Variants in SPEN observed in about 807,000 individuals in gnomAD.
SPEN encodes the protein spen family transcriptional repressor, also known as msx2-interacting protein.
SPEN carries 18 observed loss-of-function variants against 269.9 expected under a neutral mutation model. The ratio of observed to expected loss-of-function variants is 0.07; its 90% CI spans 0.05 to 0.10. SPEN has a LOEUF of 0.10. SPEN is among the 10% of genes least tolerant of loss of function. SPEN has a pLI of 1.00. For synonymous variants in SPEN, 1,726 were observed against 1,765.7 expected, an observed-to-expected ratio of 0.98 and a Z score of 0.56; for missense variants, 3,822 against 4,631.2, an observed-to-expected ratio of 0.83 and a Z score of 5.07.
rs201094580 is a variant in SPEN at position 15,848,192 on chromosome 1, G to A, written c.83+42G>A. On this transcript the variant is annotated intron_variant, in intron 1 of 14. Transcript: ENST00000375759. The surrounding 1 kb of genome is among the most constrained non-coding windows in gnomAD (Gnocchi z 5.1). ...CCGCGGCCGCGCTCGCTCCTCGGGC[G>A]CCGCTTCCCGCCCCGGCCCGTTGCC... 69 of 1,358,992 alleles carry A rather than the reference G, an allele frequency of 5.1e-5. 1 individual carries two copies. The East Asian group carries it at 8.0e-4, about 16-fold the overall frequency. 84.2% of individuals were successfully genotyped at this position (1,358,992 alleles called of 1,614,324 possible).
intron 1 of SPEN, among the ~76,000 whole-genome samples, chr1:15,867,837 A>G (rs1311473533): frequency 6.6e-6 from 1 of 150,710 alleles, no homozygotes; most frequent in Non-Finnish European, 1.5e-5. Context: ...TTGGCCATTT[A>G]TGTATCTCTC....
chr1:15,864,867 G>A (rs551605464), intron 1 of SPEN, among the ~76,000 whole-genome samples: 1 of 151,542 alleles, frequency 6.6e-6, no homozygotes, highest in African/African-American at 2.4e-5. Flanking sequence ...AGTAGAGAAG[G>A]GGGTAGGGTG....
chr1:15,929,927 G>A lies in SPEN; in HGVS notation c.3687G>A (p.Arg1229=). Residue 1229 remains arginine, a synonymous_variant, in exon 11 of 15, where the codon AGG becomes AGA. Coordinates refer to ENST00000375759, the MANE Select transcript of SPEN (RefSeq NM_015001.3). This position sits in a 1 kb window ranked among gnomAD's most constrained non-coding sequence, Gnocchi z 5.8. ...ACTCTCCTCCTAGCAAAAAGAAAAG[G>A]ATGGATCATGTCGATTTTGATATCT... ...TDDSPPSKKK[R]MDHVDFDICT... 1.2e-6 allele frequency: 2 copies of A among 1,614,152 alleles called. No individual in the cohort carries two copies. Among genetic ancestry groups the A allele is most frequent in the Non-Finnish European group, 1.7e-6 (2 of 1,180,050 alleles).
chr1:15,850,490 A>G (rs1476536381), intron 1 of SPEN, among the ~76,000 whole-genome samples: 1 of 152,068 alleles, frequency 6.6e-6, no homozygotes, highest in African/African-American at 2.4e-5. Context: ...AGGTATACAG[A>G]GAAAAATCTC....
Position 15,939,313 on chromosome 1 carries a change from G to T in SPEN, c.10881G>T (p.Gln3627His). 1.9e-6 allele frequency: 3 copies of T among 1,594,838 alleles called. No individual in the cohort carries two copies. Among genetic ancestry groups the T allele is most frequent in the Non-Finnish European group, 2.6e-6 (3 of 1,170,126 alleles). Reference sequence around the variant, plus strand: ...GTCTCCAGCCTGCCTACGTGCTGCAGATCTTCCCGCCCTGTGAGTTCTCTG... The same window carrying T: ...GTCTCCAGCCTGCCTACGTGCTGCATATCTTCCCGCCCTGTGAGTTCTCTG... ...PGSNQPAYVL[Q>H]IFPPCEFSES... Residue 3627 changes from glutamine (Q) to histidine (H), a missense_variant, in exon 15 of 15, where the codon CAG becomes CAT. Coordinates refer to ENST00000375759, the MANE Select transcript of SPEN (RefSeq NM_015001.3). The surrounding 1 kb of genome is among the most constrained non-coding windows in gnomAD (Gnocchi z 4.1).
rs764599283 is a variant in SPEN, at chr1:15,933,307, T to A, written c.7067T>A (p.Val2356Asp). 1 of 1,614,054 alleles carries A rather than the reference T, an allele frequency of 6.2e-7. No individual in the cohort carries two copies. Among genetic ancestry groups the A allele is most frequent in the Admixed American group, 1.7e-5 (1 of 60,016 alleles). Residue 2356 changes from valine (V) to aspartate (D), a missense_variant, in exon 11 of 15, where the codon GTC becomes GAC. Val to Asp is a radical substitution (Grantham distance 152). This residue lies in a region of SPEN where 727 missense variants were observed against 737.9 expected (regional missense o/e 0.99). Coordinates refer to ENST00000375759, the MANE Select transcript of SPEN (RefSeq NM_015001.3). This position sits in a 1 kb window ranked among gnomAD's most constrained non-coding sequence, Gnocchi z 5.7. The part of the protein sequence containing the change: ...KKVVAPVESH[V>D]PESNQAQGES... ...GTGGTGGCTCCTGTAGAGAGCCATGTCCCTGAATCCAACCAAGCTCAAGGT... is the reference window on the plus strand; with the variant it reads ...GTGGTGGCTCCTGTAGAGAGCCATGACCCTGAATCCAACCAAGCTCAAGGT...
At position 15,916,241 on chromosome 1, in the gene SPEN, G is replaced by A. The variant is rs2071066041; in HGVS notation, c.1357G>A (p.Asp453Asn). 2 of 1,613,470 alleles carry A rather than the reference G, an allele frequency of 1.2e-6. No homozygotes were observed. Among genetic ancestry groups the A allele is most frequent in the Non-Finnish European group, 1.7e-6 (2 of 1,179,876 alleles). ...GNLEKTTTYHDLRNIFQRFGE... is the reference protein window; with the variant it reads ...GNLEKTTTYHNLRNIFQRFGE... ...CCTTGAAAAAACCACTACTTACCAT[G>A]ACCTTCGCAACATCTTCCAGCGCTT... is the stretch of plus-strand genomic sequence containing the variant. The change falls in exon 6 of 15, where the codon GAC becomes AAC. Residue 453 changes from aspartate (D) to asparagine (N), a missense_variant. Transcript: ENST00000375759.
In SPEN at chr1:15,940,089, G is replaced by GTA. The variant is rs1038318502; in HGVS notation, c.*669_*670dup. 5.6e-5 allele frequency: 12 copies of GTA among 214,030 alleles called. No homozygotes were observed. The highest frequency in any genetic ancestry group is 2.7e-4 in the African/African-American group (12 of 43,890). The allele number at this position is 214,030 out of a possible 1,614,324, so 13.3% of individuals were successfully genotyped here. A position where few individuals can be genotyped will look rare whatever the true frequency, so the allele number is the denominator to read the frequency against. On this transcript the variant is annotated 3_prime_UTR_variant, in exon 15 of 15. Transcript: ENST00000375759. Reference sequence around the variant, plus strand: ...GGGATATGCAGAACTTGGGATGTGTGTATATATAAATATATAATATATATA... The same window carrying GTA: ...GGGATATGCAGAACTTGGGATGTGTGTATATATATAAATATATAATATATATA...
chr1:15,879,355 C>T (rs537093226), intron 3 of SPEN, among the ~76,000 whole-genome samples: 4 of 152,062 alleles, frequency 2.6e-5, no homozygotes, highest in South Asian at 2.1e-4. Context: ...ATAATGGATC[C>T]GCCCTCAGAA....
intron 10 of SPEN, among the ~76,000 whole-genome samples, chr1:15,926,380 TACATACACACAC>T (rs1214021188): frequency 7.1e-6 from 1 of 141,294 alleles, no homozygotes; most frequent in Admixed American, 7.2e-5. Flanking sequence ...CTCAGATATA[TACATACACACAC>T]ACACACACAC....
At chr1:15,887,595 G>A (rs2070749146) in intron 3 of SPEN, among the ~76,000 whole-genome samples, 1 of 151,216 alleles carries the variant, frequency 6.6e-6, no homozygotes, top group Admixed American at 6.6e-5. Context: ...GTGCCTGGCC[G>A]AAAAAAATTT....
intron 1 of SPEN, among the ~76,000 whole-genome samples, chr1:15,858,939 G>C (rs2070413438): frequency 6.6e-6 from 1 of 151,958 alleles, no homozygotes; most frequent in African/African-American, 2.4e-5. Context: ...GAAAAACCCT[G>C]TCTCAAAAAA....
chr1:15,878,420 A>G (rs996574196), intron 3 of SPEN, among the ~76,000 whole-genome samples: 2 of 152,182 alleles, frequency 1.3e-5, no homozygotes, highest in African/African-American at 2.4e-5. Flanking sequence ...AGATTTGCAT[A>G]TTAAAATGAA....
In SPEN at chr1:15,868,980, T is replaced by G. The variant is rs190562168; in HGVS notation, c.84-3836T>G. On this transcript the variant is annotated intron_variant, in intron 1 of 14. Coordinates refer to ENST00000375759, the MANE Select transcript of SPEN (RefSeq NM_015001.3). The stretch of plus-strand genomic sequence containing the variant: ...GTGTGTTGAAATATGGGGATATCAG[T>G]AATTGTGAATGGAGTAGTCTTAATA... Among the ~76,000 whole-genome samples, 5 of 152,314 alleles carry G rather than the reference T, an allele frequency of 3.3e-5. No individual in the cohort carries two copies. The East Asian group carries it at 7.7e-4, about 23-fold the overall frequency.
In SPEN at chr1:15,937,155, T is replaced by C; in HGVS notation, c.10027-8T>C. The C allele has an allele frequency of 2.5e-6, 4 of 1,607,110 alleles. No individual in the cohort carries two copies. Among genetic ancestry groups the C allele is most frequent in the South Asian group, 2.2e-5 (2 of 90,756 alleles). On this transcript the variant is annotated splice_polypyrimidine_tract_variant and splice_region_variant and intron_variant, in intron 11 of 14. Transcript: ENST00000375759. This position sits in a 1 kb window ranked among gnomAD's most constrained non-coding sequence, Gnocchi z 5.7. ...ACTCTGTCCCTTTGCCTTCCTTCCC[T>C]ACACCAGGGCCCTCCTCCTGAAGGT...
chr1:15,905,251 T>C (rs6702355), intron 3 of SPEN, among the ~76,000 whole-genome samples: 101,166 of 151,278 alleles, frequency 0.67, 35,467 homozygotes, highest in African/African-American at 0.88. Flanking sequence ...GATGGAGTTT[T>C]GCTGTTGTTG....
chr1:15,853,668 A>AT (rs111363386), intron 1 of SPEN, among the ~76,000 whole-genome samples: 5,350 of 126,206 alleles, frequency 0.042, 301 homozygotes, highest in African/African-American at 0.14. Flanking sequence ...TAATTTTTGT[A>AT]TTTTTTTTTT....
At position 15,937,705 on chromosome 1, in the gene SPEN, C is replaced by T. The variant is rs1356050706; in HGVS notation, c.10509+60C>T. ...CAAGTTTTATGCCATGTCAAATGTC[C>T]TAAGATTCCCTAGTTAACAGACCCA... On this transcript the variant is annotated intron_variant, in intron 12 of 14. Transcript: ENST00000375759. The surrounding 1 kb of genome is among the most constrained non-coding windows in gnomAD (Gnocchi z 5.7). 1 of 1,605,908 alleles carries T rather than the reference C, an allele frequency of 6.2e-7. No individual in the cohort carries two copies. Among genetic ancestry groups the T allele is most frequent in the African/African-American group, 1.3e-5 (1 of 74,504 alleles).
Position 15,934,964 on chromosome 1 carries a change from C to T in SPEN, c.8724C>T (p.Ser2908=). 3 of 1,613,994 alleles carry T rather than the reference C, an allele frequency of 1.9e-6. No individual in the cohort carries two copies. The highest frequency in any genetic ancestry group is 1.1e-5 in the South Asian group (1 of 91,070). ...CGTCTGTGAAGGCCGATAGGCCATC[C>T]TTGGAGAAGCCCGAGCCCATTCACC... is the stretch of plus-strand genomic sequence containing the variant. ...VISSVKADRP[S]LEKPEPIHLS... The change falls in exon 11 of 15, where the codon TCC becomes TCT. Residue 2908 remains serine, a synonymous_variant. Coordinates refer to ENST00000375759, the MANE Select transcript of SPEN (RefSeq NM_015001.3). The surrounding 1 kb of genome is among the most constrained non-coding windows in gnomAD (Gnocchi z 9.2).
Sources: gnomAD v4.1 joint callset for allele counts (sites outside exome capture counted in the v4.1 genomes callset) on GRCh38, gnomAD v4.1.1 for gene constraint, gnomAD v4.1.1 regional missense constraint, Gnocchi (gnomAD v3.1) non-coding constraint, MANE v1.5 for transcripts, NCBI Gene and HGNC (gene_info 2026-07-23, HGNC 2026-07-21) for gene names.